The following GP2 variants were observed in gnomAD, a reference collection of about 807,000 sequenced individuals.
GP2 encodes the protein glycoprotein 2.
In GP2, 58 loss-of-function variants were observed where a neutral mutation model predicts 60.8. That is an observed-to-expected ratio of 0.95 (90% CI 0.77 to 1.19). The LOEUF is 1.19. Ranked by LOEUF, GP2 falls within the 50% of genes most tolerant of loss-of-function variation. The probability of loss-of-function intolerance (pLI) is 0.00; values close to 1 mark genes in which losing one functional copy is unlikely to be tolerated. For synonymous variants in GP2, 280 were observed against 253.4 expected (o/e 1.10, Z -1.00); for missense variants, 647 against 667.4 (o/e 0.97, Z 0.34).
intron 7 of GP2, 97 bp downstream of exon 7, chr16:20,318,088 T>C: frequency 1.0e-6 from 1 of 956,958 alleles, no homozygotes; most frequent in Non-Finnish European, 1.7e-6. Flanking sequence ...GGTTATGATA[T>C]GTAGTACAAC....
chr16:20,317,453 C>T (rs1431344097), intron 7 of GP2, 78 bp from the exon 8 acceptor site: 6 of 1,103,542 alleles, frequency 5.4e-6, no homozygotes, highest in Non-Finnish European at 8.1e-6. Flanking sequence ...CGGGTTCCCT[C>T]CATCATGATA....
intron 5 of GP2, 111 bp downstream of exon 5, chr16:20,320,151 C>T: frequency 3.8e-6 from 3 of 784,020 alleles, no homozygotes; most frequent in African/African-American, 1.7e-5. Context: ...CTCACACAAC[C>T]CTGGGGGCTC....
chr16:20,323,493 C>G (rs530229368), intron 3 of GP2: 26 of 618,192 alleles, frequency 4.2e-5, no homozygotes, highest in South Asian at 3.8e-4. Flanking sequence ...GTACCCCCCC[C>G]CCCTTTTTTT....
rs573860507 is a variant in GP2 at position 20,312,728 on chromosome 16, G to A, written c.1547-1447C>T. Among the ~76,000 whole-genome samples, 39 of 151,642 alleles carry A rather than the reference G, an allele frequency of 2.6e-4. No individual in the cohort carries two copies. The East Asian group carries it at 5.6e-3, about 22-fold the overall frequency. The stretch of plus-strand genomic sequence containing the variant: ...TGCAATGGTGCAATCTCAGCTCACC[G>A]AAACCTCCTCCTCCCGGGTTCAAGT... On this transcript the variant is annotated intron_variant, in intron 10 of 10. Transcript: ENST00000302555.
intron 9 of GP2, 132 bp from the exon 10 acceptor site, chr16:20,314,833 G>T: frequency 1.4e-6 from 1 of 727,748 alleles, no homozygotes; most frequent in East Asian, 2.5e-5. Flanking sequence ...CCACATTGTG[G>T]GGGCATCTAG....
rs1474196677 is a variant in GP2 at position 20,313,197 on chromosome 16, TTTCTA to T, written c.1546+1455_1546+1459del. Among the ~76,000 whole-genome samples, 5 of 152,298 alleles carry T rather than the reference TTTCTA, an allele frequency of 3.3e-5. No individual in the cohort carries two copies. The East Asian group carries it at 7.7e-4, about 24-fold the overall frequency. On this transcript the variant is annotated intron_variant, in intron 10 of 10. Transcript: ENST00000302555. ...TGCTTTCCATTTTGTCCAAGACATA[TTTCTA>T]GTACCCTATAAATATGTAAAAAAAT... is the stretch of plus-strand genomic sequence containing the variant.
Position 20,318,225 on chromosome 16 carries a change from C to G in GP2, c.1213G>C (p.Asp405His). The change falls in exon 7 of 11, where the codon GAC becomes CAC. Residue 405 changes from aspartate to histidine, a missense_variant. Physicochemically the swap from Asp to His is moderately conservative, Grantham distance 81. Coordinates refer to ENST00000302555, the MANE Select transcript of GP2 (RefSeq NM_001502.4). ...LRNCYATPTE[D>H]KADLVKYFII... ...AAATACTTCACAAGGTCAGCCTTGT[C>G]TTCAGTGGGGGTGGCATAGCAGTTC... 6.2e-7 allele frequency: 1 copy of G among 1,612,464 alleles called. No individual in the cohort carries two copies. The highest frequency in any genetic ancestry group is 8.5e-7 in the Non-Finnish European group (1 of 1,178,450).
intron 7 of GP2, 53 bp from the exon 8 acceptor site, chr16:20,317,428 AAT>A (rs1964218654): frequency 7.2e-7 from 1 of 1,397,820 alleles, no homozygotes; most frequent in Admixed American, 1.8e-5. Context: ...CAGTGGAGAA[AAT>A]TAAAGAGTCC....
Position 20,320,303 on chromosome 16 carries a change from T to C in GP2, c.817A>G (p.Thr273Ala). The C allele has an allele frequency of 6.2e-7, 1 of 1,614,114 alleles. No homozygotes were observed. Reference protein sequence around the residue: ...QTEERNWVSVTSPVQASACRN... With the variant: ...QTEERNWVSVASPVQASACRN... Reference sequence around the variant, plus strand: ...CAGGCACTAGCCTGGACGGGGCTGGTCACAGATACCCAGTTCCTCTCCTCT... The same window carrying C: ...CAGGCACTAGCCTGGACGGGGCTGGCCACAGATACCCAGTTCCTCTCCTCT... The change falls in exon 5 of 11, where the codon ACC becomes GCC. Residue 273 changes from threonine (T) to alanine (A), a missense_variant. Transcript: ENST00000302555.
At position 20,317,490 on chromosome 16, in the gene GP2, TC is replaced by T. The variant is rs1478518463; in HGVS notation, c.1254-116del. 9.4e-6 allele frequency: 7 copies of T among 742,474 alleles called. No homozygotes were observed. The African/African-American group carries it at 1.0e-4, about 11-fold the overall frequency. The allele number at this position is 742,474 out of a possible 1,614,324, so 46.0% of individuals were successfully genotyped here. On this transcript the variant is annotated intron_variant, in intron 7 of 10. Transcript: ENST00000302555. ...CGTGGACTTTTTCTGTTCCTCTGTTTCCTCCAAGATGTTATCCATAAGCGCA... is the reference window on the plus strand; with the variant it reads ...CGTGGACTTTTTCTGTTCCTCTGTTTCTCCAAGATGTTATCCATAAGCGCA...
intron 10 of GP2, among the ~76,000 whole-genome samples, chr16:20,312,768 A>G (rs1290064013): frequency 6.6e-6 from 1 of 151,812 alleles, no homozygotes; most frequent in Non-Finnish European, 1.5e-5. Flanking sequence ...CTCCTGCTTC[A>G]GCCTCCCAAG....
chr16:20,316,129 G>T lies in GP2; in HGVS notation c.1417-89C>A. The T allele has an allele frequency of 3.7e-6, 3 of 811,750 alleles. No individual in the cohort carries two copies. In the South Asian group the frequency reaches 4.2e-5, roughly 11 times the overall value. 50.3% of individuals were successfully genotyped at this position (811,750 alleles called of 1,614,324 possible). On this transcript the variant is annotated intron_variant, in intron 8 of 10. Coordinates refer to ENST00000302555, the MANE Select transcript of GP2 (RefSeq NM_001502.4). Reference sequence around the variant, plus strand: ...CCTACAATGGGCAGCTCTGGACCAAGAACTGTGTCCAGAACTGGTTCACGC... The same window carrying T: ...CCTACAATGGGCAGCTCTGGACCAATAACTGTGTCCAGAACTGGTTCACGC...
In GP2 at chr16:20,323,931, A is replaced by G. The variant is rs748082361; in HGVS notation, c.420T>C (p.His140=). The change falls in exon 3 of 11, where the codon CAT becomes CAC. Residue 140 remains histidine, a synonymous_variant. Transcript: ENST00000302555. ...DGITNHTACA[H]WSGNCCFWKT... ...TCCAGAAACAGCAGTTGCCACTCCA[A>G]TGGGCACAGGCAGTGTGGTTGGTGA... 47 of 1,613,744 alleles carry G rather than the reference A, an allele frequency of 2.9e-5. No homozygotes were observed. The highest frequency in any genetic ancestry group is 2.2e-5 in the East Asian group (1 of 44,886).
chr16:20,313,284 T>C (rs2141591897), intron 10 of GP2, among the ~76,000 whole-genome samples: 1 of 152,264 alleles, frequency 6.6e-6, no homozygotes. Flanking sequence ...TCTCTGCGTG[T>C]GTGTGTGTGA....
intron 2 of GP2, 102 bp from the exon 3 acceptor site, chr16:20,324,358 T>C: frequency 1.5e-6 from 1 of 678,106 alleles, no homozygotes. Flanking sequence ...AGGACTCCAA[T>C]GAGGACAATA....
Position 20,326,360 on chromosome 16 carries a change from G to A in GP2, c.72C>T (p.Thr24=). Residue 24 remains threonine (T), a synonymous_variant, in exon 2 of 11, where the codon ACC becomes ACT. Coordinates refer to ENST00000302555, the MANE Select transcript of GP2 (RefSeq NM_001502.4). ...LWLALVSCIL[T]QASAVQRGYG... Reference sequence around the variant, plus strand: ...TACCTCGCTGCACTGCAGATGCCTGGGTCAGAATGCAGGAGACCAAGGCCA... The same window carrying A: ...TACCTCGCTGCACTGCAGATGCCTGAGTCAGAATGCAGGAGACCAAGGCCA... The A allele has an allele frequency of 6.2e-7, 1 of 1,613,866 alleles. No individual in the cohort carries two copies. Among genetic ancestry groups the A allele is most frequent in the Non-Finnish European group, 8.5e-7 (1 of 1,179,794 alleles).
chr16:20,311,345 G>A (rs1288800113), intron 10 of GP2, 64 bp from the exon 11 acceptor site: 1 of 977,480 alleles, frequency 1.0e-6, no homozygotes, highest in Non-Finnish European at 1.7e-6. Context: ...AACATAAGTT[G>A]GCCTCTTTGT....
At chr16:20,312,127 A>G (rs190707151) in intron 10 of GP2, among the ~76,000 whole-genome samples, 1 of 152,096 alleles carries the variant, frequency 6.6e-6, no homozygotes, top group Non-Finnish European at 1.5e-5. Flanking sequence ...TAAAAGCTAG[A>G]CTCTAAGATC....
chr16:20,321,685 T>TG (rs1396343548), intron 4 of GP2, among the ~76,000 whole-genome samples: 1 of 152,058 alleles, frequency 6.6e-6, no homozygotes, highest in Admixed American at 6.6e-5. Context: ...ATAGAGGGAA[T>TG]GGTGCATTTG....
Sources: gnomAD v4.1 joint callset for allele counts (sites outside exome capture counted in the v4.1 genomes callset) on GRCh38, gnomAD v4.1.1 for gene constraint, MANE v1.5 for transcripts, NCBI Gene and HGNC (gene_info 2026-07-23, HGNC 2026-07-21) for gene names.